Variants in BAZ2B observed in about 807,000 individuals in gnomAD.
BAZ2B encodes bromodomain adjacent to zinc finger domain 2B.
A neutral mutation model predicts 246.0 loss-of-function variants in BAZ2B; 91 were observed. The ratio of observed to expected loss-of-function variants is 0.37; its 90% CI spans 0.31 to 0.44. BAZ2B has a LOEUF of 0.44. Among genes scored for constraint, BAZ2B ranks in the 20% least tolerant of loss-of-function variants. The probability of loss-of-function intolerance (pLI) is 1.00; values close to 1 mark genes in which losing one functional copy is unlikely to be tolerated. For missense variants in BAZ2B, 2,332 were observed against 2,533.7 expected (o/e 0.92, Z 1.71); for synonymous variants, 855 against 860.0 (o/e 0.99, Z 0.10).
At chr2:159,411,268 C>T (rs2066796273) in intron 14 of BAZ2B, among the ~76,000 whole-genome samples, 1 of 152,156 alleles carries the variant, frequency 6.6e-6, no homozygotes, top group African/African-American at 2.4e-5. Context: ...AAACAATCCT[C>T]CCACCTTGGC....
At chr2:159,639,236 C>T in the BAZ2B span, among the ~76,000 whole-genome samples, 63 of 152,224 alleles carry the variant, frequency 4.1e-4, no homozygotes, top group African/African-American at 1.1e-3. Flanking sequence ...CCCAGACAGA[C>T]GAAAGCTGAG....
At chr2:159,628,903 T>A in the BAZ2B span, among the ~76,000 whole-genome samples, 1 of 152,000 alleles carries the variant, frequency 6.6e-6, no homozygotes, top group Non-Finnish European at 1.5e-5. Context: ...TGGGAGAAAA[T>A]TTTTGCAATC....
At chr2:159,340,622 T>G (rs559736479) in intron 31 of BAZ2B, among the ~76,000 whole-genome samples, 1 of 151,594 alleles carries the variant, frequency 6.6e-6, no homozygotes, top group South Asian at 2.1e-4. Context: ...TGGGATGATA[T>G]ATTCAAAGTA....
chr2:159,347,739 C>A, intron 30 of BAZ2B, 93 bp from the exon 31 acceptor site: 1 of 1,048,060 alleles, frequency 9.5e-7, no homozygotes, highest in Non-Finnish European at 1.4e-6. Flanking sequence ...TCTAGGAGAC[C>A]CATGTACATC....
intron 27 of BAZ2B, 37 bp from the exon 28 acceptor site, chr2:159,350,394 CCAGAT>C (rs1384488290): frequency 7.1e-7 from 1 of 1,415,418 alleles, no homozygotes; most frequent in Non-Finnish European, 9.4e-7. Context: ...ATCAGTTACT[CCAGAT>C]CAAACCAATA....
the BAZ2B span, among the ~76,000 whole-genome samples, chr2:159,708,404 G>A: frequency 2.0e-5 from 3 of 152,154 alleles, no homozygotes; most frequent in African/African-American, 7.2e-5. Flanking sequence ...ATTATTCCTG[G>A]TGAGGCCAGA....
the BAZ2B span, among the ~76,000 whole-genome samples, chr2:159,703,511 C>A: frequency 2.0e-5 from 3 of 151,908 alleles, no homozygotes; most frequent in East Asian, 5.8e-4. Context: ...AAAGCTTTCC[C>A]ACAAATGTAG....
At chr2:159,509,103 T>C (rs1483195562) in intron 2 of BAZ2B, among the ~76,000 whole-genome samples, 1 of 152,132 alleles carries the variant, frequency 6.6e-6, no homozygotes, top group Non-Finnish European at 1.5e-5. Flanking sequence ...TCAAAAATGC[T>C]GAATGAAATC....
At chr2:159,609,490 CTATGTAT>C (rs984206785) in intron 1 of BAZ2B, among the ~76,000 whole-genome samples, 87 of 152,252 alleles carry the variant, frequency 5.7e-4, no homozygotes, top group Admixed American at 1.4e-3. Context: ...TTTCCCAAAA[CTATGTAT>C]AACTAGTAAA....
chr2:159,552,608 G>A (rs1190877155), intron 2 of BAZ2B, among the ~76,000 whole-genome samples: 1 of 152,116 alleles, frequency 6.6e-6, no homozygotes, highest in Non-Finnish European at 1.5e-5. Context: ...AACTCTATAG[G>A]TTCTAAAATC....
At chr2:159,672,654 C>A in the BAZ2B span, among the ~76,000 whole-genome samples, 1 of 151,938 alleles carries the variant, frequency 6.6e-6, no homozygotes, top group East Asian at 1.9e-4. Flanking sequence ...TGACTCCTCC[C>A]CCTGAATAGA....
chr2:159,684,716 G>A, the BAZ2B span, among the ~76,000 whole-genome samples: 1 of 152,082 alleles, frequency 6.6e-6, no homozygotes, highest in Non-Finnish European at 1.5e-5. Context: ...ACTCTTAAGT[G>A]TCACTAAAAG....
chr2:159,709,937 C>G, the BAZ2B span, among the ~76,000 whole-genome samples: 1 of 152,048 alleles, frequency 6.6e-6, no homozygotes, highest in Non-Finnish European at 1.5e-5. Flanking sequence ...AAAATGAAAA[C>G]TAAGGTGAGT....
At chr2:159,550,096 C>T (rs953239732) in intron 2 of BAZ2B, among the ~76,000 whole-genome samples, 4 of 152,104 alleles carry the variant, frequency 2.6e-5, no homozygotes, top group Non-Finnish European at 4.4e-5. Context: ...CCACCTCAGC[C>T]TCCCAAAGTC....
the BAZ2B span, among the ~76,000 whole-genome samples, chr2:159,639,370 G>C: frequency 1.3e-5 from 2 of 152,064 alleles, no homozygotes; most frequent in African/African-American, 4.8e-5. Context: ...GTAATGGTAA[G>C]CACATAAAAA....
intron 1 of BAZ2B, among the ~76,000 whole-genome samples, chr2:159,571,898 C>T (rs1684107090): frequency 1.3e-5 from 2 of 152,154 alleles, no homozygotes; most frequent in South Asian, 4.1e-4. Flanking sequence ...TGCATTAATC[C>T]CTTCATAAGG....
chr2:159,685,097 G>T, the BAZ2B span, among the ~76,000 whole-genome samples: 7 of 152,198 alleles, frequency 4.6e-5, no homozygotes, highest in African/African-American at 1.7e-4. Context: ...TTACTGATTA[G>T]TTTTATTATA....
chr2:159,542,043 A>G (rs773075755), intron 2 of BAZ2B, among the ~76,000 whole-genome samples: 23 of 152,360 alleles, frequency 1.5e-4, no homozygotes, highest in Middle Eastern at 3.4e-3. Context: ...AAAATGAAAA[A>G]TTCACTAGAG....
At chr2:159,336,047 G>C (rs2148955549) in intron 33 of BAZ2B, among the ~76,000 whole-genome samples, 2 of 152,258 alleles carry the variant, frequency 1.3e-5, no homozygotes, top group East Asian at 3.9e-4. Flanking sequence ...TGTAATCCCA[G>C]TTACTCAGGA....
Sources: gnomAD v4.1 joint callset for allele counts (sites outside exome capture counted in the v4.1 genomes callset) on GRCh38, gnomAD v4.1.1 for gene constraint, MANE v1.5 for transcripts, NCBI Gene and HGNC (gene_info 2026-07-23, HGNC 2026-07-21) for gene names.